The following COL15A1 variants were observed in gnomAD, a reference collection of about 807,000 sequenced individuals.
The protein encoded by COL15A1 is collagen type XV alpha 1 chain, also known as collagen alpha-1(XV) chain.
Under a neutral mutation model 165.9 loss-of-function variants are expected in COL15A1, and 111 were observed. The observed-to-expected ratio is 0.67, with a 90% confidence interval of 0.57 to 0.78. COL15A1 has a LOEUF of 0.78. Ranked by LOEUF, COL15A1 falls within the 30% of genes least tolerant of loss-of-function variation. COL15A1 has a pLI of 0.00. For synonymous variants in COL15A1, 659 were observed against 674.8 expected (o/e 0.98, Z 0.36); for missense variants, 1,745 against 1,789.7 (o/e 0.98, Z 0.45).
intron 26 of COL15A1, among the ~76,000 whole-genome samples, 175 bp from the exon 27 acceptor site, chr9:99,047,611 G>A (rs1012663273): frequency 3.9e-5 from 6 of 152,272 alleles, no homozygotes; most frequent in South Asian, 4.1e-4. Context: ...AGCTGAGAGC[G>A]GAGAGGCTGG....
Position 99,022,182 on chromosome 9 carries a change from C to T in COL15A1, c.1761+32C>T, listed in dbSNP as rs1554689253. The T allele has an allele frequency of 1.2e-6, 2 of 1,613,992 alleles. 1 individual carries two copies. The highest frequency in any genetic ancestry group is 2.2e-5 in the South Asian group (2 of 91,082). ...TTCCCATCCAGGCTTGTCACACACACAGGTGTAAGACCAGGGATGCGGCCA... is the reference window on the plus strand; with the variant it reads ...TTCCCATCCAGGCTTGTCACACACATAGGTGTAAGACCAGGGATGCGGCCA... On this transcript the variant is annotated intron_variant, in intron 13 of 41. Transcript: ENST00000375001.
chr9:99,000,246 C>T (rs57410362), intron 6 of COL15A1, among the ~76,000 whole-genome samples: 31,952 of 152,056 alleles, frequency 0.21, 3,757 homozygotes, highest in African/African-American at 0.32. Context: ...CCTCTTCTTA[C>T]ACTCCTATCT....
rs185333813 is a variant in COL15A1, at chr9:98,961,713, C to G, written c.100+17463C>G. On this transcript the variant is annotated intron_variant, in intron 2 of 41. Coordinates refer to ENST00000375001, the MANE Select transcript of COL15A1 (RefSeq NM_001855.5). Reference sequence around the variant, plus strand: ...CTGCAGCACTACCGCCCAGGGCCACCCGGGGTAAAGGCCTTTGGTCTAGGT... The same window carrying G: ...CTGCAGCACTACCGCCCAGGGCCACGCGGGGTAAAGGCCTTTGGTCTAGGT... Among the ~76,000 whole-genome samples, 5 of 152,324 alleles carry G rather than the reference C, an allele frequency of 3.3e-5. No homozygotes were observed. In the East Asian group the frequency reaches 9.6e-4, roughly 29 times the overall value.
chr9:98,966,320 G>T (rs572606047), intron 2 of COL15A1, among the ~76,000 whole-genome samples: 1 of 152,300 alleles, frequency 6.6e-6, no homozygotes, highest in African/African-American at 2.4e-5. Flanking sequence ...ATCATTCAGT[G>T]CTCCTCCCAA....
chr9:99,024,405 C>T (rs1413324185), intron 14 of COL15A1, among the ~76,000 whole-genome samples: 1 of 151,882 alleles, frequency 6.6e-6, no homozygotes, highest in African/African-American at 2.4e-5. Context: ...CGGCCTCAGC[C>T]TCCCGAGTAG....
At chr9:99,039,465 C>G (rs533449663) in intron 22 of COL15A1, among the ~76,000 whole-genome samples, 6 of 152,346 alleles carry the variant, frequency 3.9e-5, no homozygotes, top group Non-Finnish European at 8.8e-5. Flanking sequence ...GCCAAGATCG[C>G]ACTACTGCAC....
At chr9:99,021,941 G>C (rs117322734) in intron 12 of COL15A1, 150 bp from the exon 13 acceptor site, 48 of 1,044,500 alleles carry the variant, frequency 4.6e-5, no homozygotes, top group Non-Finnish European at 5.8e-5. Flanking sequence ...GTGGGACAAG[G>C]CATTCCCTTA....
intron 2 of COL15A1, among the ~76,000 whole-genome samples, chr9:98,946,960 C>T (rs933429542): frequency 2.4e-4 from 37 of 152,252 alleles, no homozygotes; most frequent in African/African-American, 6.3e-4. Context: ...CTGTTATGAG[C>T]GGAAATACAT....
At chr9:99,003,726 C>A in intron 8 of COL15A1, 139 bp downstream of exon 8, 1 of 914,146 alleles carries the variant, frequency 1.1e-6, no homozygotes, top group Admixed American at 3.9e-5. Flanking sequence ...TCGGAGTAAG[C>A]ACTAAATAGC....
intron 2 of COL15A1, among the ~76,000 whole-genome samples, chr9:98,972,122 G>A (rs994502890): frequency 1.3e-5 from 2 of 152,142 alleles, no homozygotes; most frequent in Non-Finnish European, 2.9e-5. Flanking sequence ...ATATCTCTGT[G>A]AGCCAGGTCC....
At chr9:99,038,781 C>T (rs1839350094) in intron 22 of COL15A1, 48 bp downstream of exon 22, 1 of 1,138,904 alleles carries the variant, frequency 8.8e-7, no homozygotes, top group African/African-American at 1.5e-5. Context: ...CCAGACGCCC[C>T]TGTTGAAACA....
intron 36 of COL15A1, among the ~76,000 whole-genome samples, chr9:99,061,721 T>A (rs576664343): frequency 4.6e-5 from 7 of 152,238 alleles, no homozygotes; most frequent in Non-Finnish European, 1.0e-4. Context: ...CACATAATAT[T>A]GTCATTTTTG....
chr9:98,983,231 A>G (rs1588501246), intron 2 of COL15A1, among the ~76,000 whole-genome samples: 1 of 152,112 alleles, frequency 6.6e-6, no homozygotes, highest in Non-Finnish European at 1.5e-5. Context: ...CAGTCAGGGC[A>G]TCTCCCTCTC....
intron 5 of COL15A1, among the ~76,000 whole-genome samples, chr9:98,992,482 G>A (rs866568481): frequency 6.6e-6 from 1 of 152,302 alleles, no homozygotes; most frequent in Non-Finnish European, 1.5e-5. Flanking sequence ...CTGCCCACAC[G>A]TCTCTCTCCA....
chr9:99,005,736 C>T (rs1233476433), intron 9 of COL15A1, among the ~76,000 whole-genome samples: 2 of 152,214 alleles, frequency 1.3e-5, no homozygotes, highest in East Asian at 1.9e-4. Flanking sequence ...CATGAATCGC[C>T]GGCTCTGTCC....
intron 23 of COL15A1, among the ~76,000 whole-genome samples, chr9:99,041,789 G>A (rs1157365560): frequency 2.0e-5 from 3 of 152,192 alleles, no homozygotes; most frequent in African/African-American, 7.2e-5. Flanking sequence ...TGGATCAGTA[G>A]TGCCCAGTTG....
At chr9:99,015,588 C>G (rs772607127) in intron 10 of COL15A1, 22 bp downstream of exon 10, 10 of 1,610,252 alleles carry the variant, frequency 6.2e-6, no homozygotes, top group African/African-American at 1.3e-5. Context: ...CTTGTGTCCT[C>G]TCTGGCTCAC....
chr9:99,043,692 T>G (rs1839449639), intron 24 of COL15A1, among the ~76,000 whole-genome samples: 1 of 152,182 alleles, frequency 6.6e-6, no homozygotes, highest in Non-Finnish European at 1.5e-5. Flanking sequence ...TTGATGCTAC[T>G]GTCCTAGCTA....
chr9:99,066,014 G>A (rs1825885837), intron 39 of COL15A1, among the ~76,000 whole-genome samples: 1 of 152,096 alleles, frequency 6.6e-6, no homozygotes, highest in Non-Finnish European at 1.5e-5. Context: ...ATGTCCTTTG[G>A]CTTAAGATAT....
Sources: allele counts gnomAD v4.1 joint callset (sites outside exome capture counted in the v4.1 genomes callset), GRCh38; gene constraint gnomAD v4.1.1; transcripts MANE v1.5; gene names NCBI Gene and HGNC (gene_info 2026-07-23, HGNC 2026-07-21).